The following FAM107B variants were observed in gnomAD, a reference collection of about 807,000 sequenced individuals.
FAM107B encodes protein FAM107B.
Under a neutral mutation model 31.5 loss-of-function variants are expected in FAM107B, and 21 were observed. The ratio of observed to expected loss-of-function variants is 0.67; its 90% CI spans 0.47 to 0.96. The LOEUF is 0.96. Ranked by LOEUF, FAM107B falls within the 40% of genes least tolerant of loss-of-function variation. The pLI, the probability that FAM107B is intolerant of heterozygous loss-of-function variation, is 0.00. For synonymous variants in FAM107B, 157 were observed against 141.5 expected (o/e 1.11, Z -0.78); for missense variants, 452 against 377.1 (o/e 1.20, Z -1.64).
chr10:14,574,732 A>C (rs1189883652), intron 2 of FAM107B, among the ~76,000 whole-genome samples: 1 of 152,206 alleles, frequency 6.6e-6, no homozygotes, highest in Non-Finnish European at 1.5e-5. Flanking sequence ...AAATAAAATT[A>C]CTTGATTTTT....
intron 2 of FAM107B, among the ~76,000 whole-genome samples, chr10:14,591,080 T>C (rs1852004851): frequency 6.6e-6 from 1 of 152,134 alleles, no homozygotes; most frequent in Non-Finnish European, 1.5e-5. Context: ...TCTCCTCTAG[T>C]TATCTTAAAC....
In FAM107B at chr10:14,572,736, A is replaced by ATATATAT. The variant is rs1455058375; in HGVS notation, c.470-42222_470-42221insATATATA. Among the ~76,000 whole-genome samples the ATATATAT allele has an allele frequency of 3.6e-3, 315 of 86,462 alleles. 7 individuals carry two copies. Among genetic ancestry groups the ATATATAT allele is most frequent in the African/African-American group, 0.012 (293 of 24,880 alleles). 56.7% of individuals were successfully genotyped at this position (86,462 alleles called of 152,430 possible). On this transcript the variant is annotated intron_variant, in intron 2 of 4. Coordinates refer to ENST00000181796, the MANE Select transcript of FAM107B (RefSeq NM_031453.4). Reference sequence around the variant, plus strand: ...CCCCATCTCTTCAAAAAAAAAAAAAAATTTATATATATATATATATATATT... The same window carrying ATATATAT: ...CCCCATCTCTTCAAAAAAAAAAAAAATATATATATTTATATATATATATATATATATT...
intron 3 of FAM107B, chr10:14,528,174 GTTTTTTTTTT>G (rs34584902): frequency 3.7e-4 from 25 of 67,764 alleles, no homozygotes; most frequent in Middle Eastern, 0.018. Flanking sequence ...TTAAGTTTTG[GTTTTTTTTTT>G]TTTTTTTTTT....
rs909079696 is a variant in FAM107B, at chr10:14,520,900, T to C, written c.*290A>G. The C allele has an allele frequency of 3.2e-6, 1 of 314,952 alleles. No individual in the cohort carries two copies. The highest frequency in any genetic ancestry group is 2.1e-5 in the African/African-American group (1 of 46,676). The allele number at this position is 314,952 out of a possible 1,614,324, so 19.5% of individuals were successfully genotyped here. A position where few individuals can be genotyped will look rare whatever the true frequency, so the allele number is the denominator to read the frequency against. ...TCAAGAATTGATTCCAGTGTCCTCT[T>C]CCTTTTTCCTGTTCTCACTTGTTTT... On this transcript the variant is annotated 3_prime_UTR_variant, in exon 5 of 5. Coordinates refer to ENST00000181796, the MANE Select transcript of FAM107B (RefSeq NM_031453.4).
In FAM107B at chr10:14,536,027, T is replaced by G. The variant is rs118029908; in HGVS notation, c.470-5512A>C. Reference sequence around the variant, plus strand: ...TGAATTACCATTCCCTCGGAAAACTTTCACAACTGGGCTGATAAAACAAAC... The same window carrying G: ...TGAATTACCATTCCCTCGGAAAACTGTCACAACTGGGCTGATAAAACAAAC... On this transcript the variant is annotated intron_variant, in intron 2 of 4. Coordinates refer to ENST00000181796, the MANE Select transcript of FAM107B (RefSeq NM_031453.4). Among the ~76,000 whole-genome samples the G allele has an allele frequency of 3.2e-3, 490 of 152,358 alleles. 1 individual carries two copies. The highest frequency in any genetic ancestry group is 5.9e-3 in the Non-Finnish European group (400 of 68,040).
chr10:14,578,166 G>A (rs1307094063), intron 2 of FAM107B, among the ~76,000 whole-genome samples: 4 of 152,114 alleles, frequency 2.6e-5, no homozygotes, highest in East Asian at 1.9e-4. Flanking sequence ...GAGCAACTAC[G>A]CTAACATTTC....
chr10:14,701,962 A>G (rs1855408918), intron 1 of FAM107B, among the ~76,000 whole-genome samples: 1 of 152,254 alleles, frequency 6.6e-6, no homozygotes, highest in South Asian at 2.1e-4. Context: ...TTCGAAAACA[A>G]ACTTTCAGAG....
rs367808159 is a variant in FAM107B, at chr10:14,774,453, C to T, written c.211G>A (p.Gly71Arg). ...GAATCTTGCCTTTTCTCTGGAGCTCCTTCTGCGCTTGGGTGTCTTGGCTGT... is the reference window on the plus strand; with the variant it reads ...GAATCTTGCCTTTTCTCTGGAGCTCTTTCTGCGCTTGGGTGTCTTGGCTGT... Reference protein sequence around the residue: ...GRQPRHPSAEGAPEKRQDSST... With the variant: ...GRQPRHPSAERAPEKRQDSST... Residue 71 changes from glycine (G) to arginine (R), a missense_variant, in exon 1 of 5, where the codon GGA (glycine) becomes AGA (arginine). Transcript: ENST00000181796. 93 of 1,614,092 alleles carry T rather than the reference C, an allele frequency of 5.8e-5. No individual in the cohort carries two copies. Among genetic ancestry groups the T allele is most frequent in the Non-Finnish European group, 7.4e-5 (87 of 1,180,048 alleles).
chr10:14,587,763 A>T (rs1379031604), intron 2 of FAM107B, among the ~76,000 whole-genome samples: 1 of 152,128 alleles, frequency 6.6e-6, no homozygotes. Flanking sequence ...AGTAAAGGAC[A>T]CTGTGCTCAA....
At chr10:14,530,295 C>T in intron 3 of FAM107B, 37 bp downstream of exon 3, 1 of 1,572,850 alleles carries the variant, frequency 6.4e-7, no homozygotes, top group African/African-American at 1.4e-5. Flanking sequence ...CTTAAAAGTC[C>T]TCTTAAAAAA....
intron 2 of FAM107B, among the ~76,000 whole-genome samples, chr10:14,546,241 C>G (rs1222734477): frequency 2.0e-5 from 3 of 152,210 alleles, no homozygotes; most frequent in Admixed American, 2.0e-4. Flanking sequence ...CTGGACCACA[C>G]AGTGGCAAAG....
chr10:14,586,462 C>T (rs1221702637), intron 2 of FAM107B, among the ~76,000 whole-genome samples: 4 of 152,106 alleles, frequency 2.6e-5, no homozygotes, highest in East Asian at 1.9e-4. Flanking sequence ...CTAATCCCAA[C>T]GTGATGATAT....
At chr10:14,772,362 A>AAAAAAAAAATATATAT (rs10651238) in intron 1 of FAM107B, among the ~76,000 whole-genome samples, 24 of 145,588 alleles carry the variant, frequency 1.6e-4, no homozygotes, top group Non-Finnish European at 3.0e-5. Flanking sequence ...TTAAAAAAAA[A>AAAAAAAAAATATATAT]ATATATATAT....
intron 1 of FAM107B, among the ~76,000 whole-genome samples, chr10:14,668,078 T>A (rs1203652488): frequency 6.6e-6 from 1 of 152,144 alleles, no homozygotes; most frequent in African/African-American, 2.4e-5. Context: ...AGTCTCACTC[T>A]GTCACCAAGC....
chr10:14,695,215 T>C (rs2131514868), intron 1 of FAM107B, among the ~76,000 whole-genome samples: 1 of 152,336 alleles, frequency 6.6e-6, no homozygotes, highest in South Asian at 2.1e-4. Context: ...TTTTCTTGCA[T>C]GTGGAAATCC....
At chr10:14,721,143 C>T (rs1855902463) in intron 1 of FAM107B, among the ~76,000 whole-genome samples, 2 of 152,144 alleles carry the variant, frequency 1.3e-5, no homozygotes, top group Non-Finnish European at 2.9e-5. Flanking sequence ...TGGTTTCCAG[C>T]TTCATCCATG....
At chr10:14,725,156 C>G (rs1311881067) in intron 1 of FAM107B, among the ~76,000 whole-genome samples, 1 of 152,192 alleles carries the variant, frequency 6.6e-6, no homozygotes, top group Non-Finnish European at 1.5e-5. Context: ...AGCTGAGACT[C>G]TCAGACGGTC....
At chr10:14,705,370 C>T (rs557859992) in intron 1 of FAM107B, among the ~76,000 whole-genome samples, 1 of 152,184 alleles carries the variant, frequency 6.6e-6, no homozygotes, top group Admixed American at 6.5e-5. Context: ...CATATTGACC[C>T]AAAAGAATTA....
chr10:14,607,073 A>T (rs1352251036), intron 2 of FAM107B, among the ~76,000 whole-genome samples: 1 of 152,182 alleles, frequency 6.6e-6, no homozygotes, highest in African/African-American at 2.4e-5. Flanking sequence ...CTGTGATGCA[A>T]GGCCACAGGC....
Sources: allele counts gnomAD v4.1 joint callset (sites outside exome capture counted in the v4.1 genomes callset), GRCh38; gene constraint gnomAD v4.1.1; transcripts MANE v1.5; gene names NCBI Gene and HGNC (gene_info 2026-07-23, HGNC 2026-07-21).